The following SHISA9 variants were observed in gnomAD, a reference collection of about 807,000 sequenced individuals.
SHISA9 encodes shisa family member 9, also known as protein shisa-9.
In SHISA9, 13 loss-of-function variants were observed where a neutral mutation model predicts 38.0. That is an observed-to-expected ratio of 0.34 (90% CI 0.22 to 0.54). The LOEUF (loss-of-function observed/expected upper bound fraction) is 0.54, where lower values mean the gene tolerates loss of function less well. Ranked by LOEUF, SHISA9 falls within the 20% of genes least tolerant of loss-of-function variation. The probability of loss-of-function intolerance (pLI) is 0.91; values close to 1 mark genes in which losing one functional copy is unlikely to be tolerated. For missense variants in SHISA9, 538 were observed against 575.8 expected, an observed-to-expected ratio of 0.93 and a Z score of 0.67; for synonymous variants, 275 against 242.0, an observed-to-expected ratio of 1.14 and a Z score of -1.27.
chr16:12,997,410 G>GTTTT (rs34930368), intron 2 of SHISA9, among the ~76,000 whole-genome samples: 3 of 134,084 alleles, frequency 2.2e-5, no homozygotes, highest in Non-Finnish European at 4.8e-5. Context: ...GCTTAACCTA[G>GTTTT]TTTTTTTTTT....
chr16:12,992,909 G>T (rs932442784), intron 2 of SHISA9, among the ~76,000 whole-genome samples: 4 of 152,220 alleles, frequency 2.6e-5, no homozygotes, highest in African/African-American at 7.2e-5. Flanking sequence ...CTATGAGGTA[G>T]ATACTAGTAT....
At chr16:13,189,716 G>A (rs768158489) in intron 2 of SHISA9, among the ~76,000 whole-genome samples, 2 of 152,184 alleles carry the variant, frequency 1.3e-5, no homozygotes, top group Admixed American at 1.3e-4. Flanking sequence ...AAACATAAAG[G>A]AGAGCAGAGG....
intron 2 of SHISA9, among the ~76,000 whole-genome samples, chr16:12,974,819 C>T (rs373746709): frequency 1.4e-4 from 22 of 152,190 alleles, no homozygotes; most frequent in African/African-American, 5.3e-4. Context: ...TCTTAGGTTG[C>T]TTATTATGAA....
At chr16:13,296,463 G>A in the SHISA9 span, among the ~76,000 whole-genome samples, 1 of 151,536 alleles carries the variant, frequency 6.6e-6, no homozygotes, top group Non-Finnish European at 1.5e-5. Flanking sequence ...CTGTGTCCGA[G>A]AATACTGGGA....
At chr16:13,175,210 A>C (rs2050721232) in intron 2 of SHISA9, among the ~76,000 whole-genome samples, 1 of 151,986 alleles carries the variant, frequency 6.6e-6, no homozygotes, top group African/African-American at 2.4e-5. Flanking sequence ...CTCCAAAAAA[A>C]AAAGAAAGAA....
At chr16:13,206,371 G>A (rs1475148158) in intron 3 of SHISA9, among the ~76,000 whole-genome samples, 1 of 152,152 alleles carries the variant, frequency 6.6e-6, no homozygotes, top group Non-Finnish European at 1.5e-5. Context: ...GATGGGATGA[G>A]AGATACTTGC....
the SHISA9 span, among the ~76,000 whole-genome samples, chr16:13,379,536 G>C: frequency 6.6e-6 from 1 of 152,146 alleles, no homozygotes; most frequent in Non-Finnish European, 1.5e-5. Flanking sequence ...TTCATCAGGG[G>C]CTGACAAGTG....
At chr16:13,270,620 G>T in the SHISA9 span, among the ~76,000 whole-genome samples, 3 of 152,086 alleles carry the variant, frequency 2.0e-5, no homozygotes, top group Non-Finnish European at 2.9e-5. Context: ...AGAAGACTTC[G>T]GTTGCAATGC....
intron 2 of SHISA9, among the ~76,000 whole-genome samples, chr16:13,103,379 T>C (rs2073897382): frequency 6.6e-6 from 1 of 152,172 alleles, no homozygotes; most frequent in East Asian, 1.9e-4. Context: ...AGGGAAATGA[T>C]TATGTTTCTG....
intron 2 of SHISA9, among the ~76,000 whole-genome samples, chr16:13,160,842 T>A (rs2050589206): frequency 6.6e-6 from 1 of 152,140 alleles, no homozygotes; most frequent in African/African-American, 2.4e-5. Context: ...AGCCTCCTAA[T>A]TCTGCTGCGT....
At chr16:13,450,131 C>T in the SHISA9 span, among the ~76,000 whole-genome samples, 1 of 152,094 alleles carries the variant, frequency 6.6e-6, no homozygotes, top group Non-Finnish European at 1.5e-5. Flanking sequence ...AAAATACACA[C>T]AAAGCTCGCC....
intron 2 of SHISA9, among the ~76,000 whole-genome samples, chr16:13,057,322 A>T (rs943959703): frequency 1.3e-5 from 2 of 152,122 alleles, no homozygotes; most frequent in East Asian, 1.9e-4. Flanking sequence ...CCTCCTTAGG[A>T]TCCAACAAGC....
At chr16:12,916,534 T>G (rs2071259204) in intron 1 of SHISA9, among the ~76,000 whole-genome samples, 154 bp from the exon 2 acceptor site, 1 of 152,244 alleles carries the variant, frequency 6.6e-6, no homozygotes, top group Non-Finnish European at 1.5e-5. Flanking sequence ...GTGATTTTAT[T>G]TACTTACGTT....
the SHISA9 span, among the ~76,000 whole-genome samples, chr16:13,543,520 A>T: frequency 6.6e-6 from 1 of 152,350 alleles, no homozygotes; most frequent in South Asian, 2.1e-4. Context: ...CGGCCAGCAT[A>T]AAACTGGGAT....
At chr16:12,923,916 CT>C (rs2071361665) in intron 2 of SHISA9, among the ~76,000 whole-genome samples, 1 of 152,238 alleles carries the variant, frequency 6.6e-6, no homozygotes, top group African/African-American at 2.4e-5. Context: ...AAACCCAGGT[CT>C]GTCCGACTCC....
the SHISA9 span, among the ~76,000 whole-genome samples, chr16:13,382,171 TA>T: frequency 6.6e-6 from 1 of 152,236 alleles, no homozygotes; most frequent in Non-Finnish European, 1.5e-5. Flanking sequence ...TTAGCATTTC[TA>T]CAATGAAGAA....
At chr16:13,277,989 G>A in the SHISA9 span, among the ~76,000 whole-genome samples, 1 of 151,908 alleles carries the variant, frequency 6.6e-6, no homozygotes, top group African/African-American at 2.4e-5. Context: ...TCCTTGTCTT[G>A]TTCCCATTCT....
At chr16:13,111,045 AAGATGG>A (rs1384397044) in intron 2 of SHISA9, among the ~76,000 whole-genome samples, 3 of 152,206 alleles carry the variant, frequency 2.0e-5, no homozygotes, top group Non-Finnish European at 2.9e-5. Flanking sequence ...AAATTAACTC[AAGATGG>A]ATTAAAGACT....
In SHISA9 at chr16:13,140,558, C is replaced by G. The variant is rs532347344; in HGVS notation, c.692-62836C>G. Among the ~76,000 whole-genome samples, 3 of 152,258 alleles carry G rather than the reference C, an allele frequency of 2.0e-5. No homozygotes were observed. In the South Asian group the frequency reaches 6.2e-4, roughly 32 times the overall value. ...TCCACCCAACACAGATTTATTATAG[C>G]AAGTTCTGCATTTAATTTACAGCAA... is the stretch of plus-strand genomic sequence containing the variant. On this transcript the variant is annotated intron_variant, in intron 2 of 4. Coordinates refer to ENST00000558583, the MANE Select transcript of SHISA9 (RefSeq NM_001145204.3).
Sources: allele counts gnomAD v4.1 joint callset (sites outside exome capture counted in the v4.1 genomes callset), GRCh38; gene constraint gnomAD v4.1.1; transcripts MANE v1.5; gene names NCBI Gene and HGNC (gene_info 2026-07-23, HGNC 2026-07-21).